Variants in ZNF705G observed in about 807,000 individuals in gnomAD.
ZNF705G encodes the protein zinc finger protein 705G.
In ZNF705G, 23 loss-of-function variants were observed where a neutral mutation model predicts 19.6. The ratio of observed to expected loss-of-function variants is 1.17; its 90% CI spans 0.84 to 1.66. The LOEUF is 1.66. Ranked by LOEUF, ZNF705G falls within the 40% of genes most tolerant of loss-of-function variation. ZNF705G has a pLI of 0.00. For missense variants in ZNF705G, 457 were observed against 354.4 expected (o/e 1.29, Z -2.32); for synonymous variants, 146 against 117.7 (o/e 1.24, Z -1.56).
At chr8:7,370,151 G>C (rs1257685312) in intron 2 of ZNF705G, among the ~76,000 whole-genome samples, 1 of 147,550 alleles carries the variant, frequency 6.8e-6, no homozygotes, top group African/African-American at 2.7e-5. Flanking sequence ...GGTGCCTGTA[G>C]TCCCAGCTAC....
At chr8:7,366,486 C>G (rs1806863100) in intron 2 of ZNF705G, among the ~76,000 whole-genome samples, 1 of 149,506 alleles carries the variant, frequency 6.7e-6, no homozygotes, top group South Asian at 2.1e-4. Flanking sequence ...AATTAAAATA[C>G]AGCAATAGAA....
intron 2 of ZNF705G, among the ~76,000 whole-genome samples, chr8:7,368,698 C>G (rs1806968242): frequency 6.7e-6 from 1 of 149,746 alleles, no homozygotes; most frequent in South Asian, 2.1e-4. Context: ...GGCAGCCCCT[C>G]TCCTCAAAGG....
intron 4 of ZNF705G, among the ~76,000 whole-genome samples, 167 bp from the exon 5 acceptor site, chr8:7,360,499 G>C (rs1429302191): frequency 6.7e-6 from 1 of 149,208 alleles, no homozygotes; most frequent in Admixed American, 6.6e-5. Flanking sequence ...CCCAATATGA[G>C]ACTACAAAAT....
At chr8:7,376,861 T>A (rs1365828227) in intron 2 of ZNF705G, among the ~76,000 whole-genome samples, 1 of 143,270 alleles carries the variant, frequency 7.0e-6, no homozygotes, top group African/African-American at 2.9e-5. Flanking sequence ...ACATCTATTA[T>A]AATCTATCAT....
At position 7,368,656 on chromosome 8, in the gene ZNF705G, G is replaced by A. The variant is rs920047039; in HGVS notation, c.-71-5639C>T. Among the ~76,000 whole-genome samples the A allele has an allele frequency of 7.3e-5, 11 of 149,814 alleles. 1 individual carries two copies. The highest frequency in any genetic ancestry group is 2.1e-4 in the South Asian group (1 of 4,780). On this transcript the variant is annotated intron_variant, in intron 2 of 6. Transcript: ENST00000400156. ...GCTAATAGAAGAAAATGAAGAAAGG[G>A]CCTCAAAGACATTTTAGAGACCTTG...
intron 6 of ZNF705G, among the ~76,000 whole-genome samples, chr8:7,358,941 C>G (rs1426010960): frequency 2.0e-5 from 3 of 149,562 alleles, no homozygotes; most frequent in African/African-American, 7.7e-5. Context: ...TCACCAGGCA[C>G]AAATGCATAT....
Position 7,357,628 on chromosome 8 carries a change from T to A in ZNF705G, c.*348A>T. 2 of 415,674 alleles carry A rather than the reference T, an allele frequency of 4.8e-6. No homozygotes were observed. The highest frequency in any genetic ancestry group is 3.1e-5 in the South Asian group (1 of 32,604). The allele number at this position is 415,674 out of a possible 1,614,324, so 25.7% of individuals were successfully genotyped here. ...CACTTATGCTCAGATCACTAACAAGTCTTTGGTACATACATGTCATACAAT... is the reference window on the plus strand; with the variant it reads ...CACTTATGCTCAGATCACTAACAAGACTTTGGTACATACATGTCATACAAT... On this transcript the variant is annotated 3_prime_UTR_variant, in exon 7 of 7. Transcript: ENST00000400156.
Position 7,360,306 on chromosome 8 carries a change from T to G in ZNF705G, c.166A>C (p.Ile56Leu). 9 of 1,590,260 alleles carry G rather than the reference T, an allele frequency of 5.7e-6. No individual in the cohort carries two copies. Among genetic ancestry groups the G allele is most frequent in the Non-Finnish European group, 7.6e-6 (9 of 1,178,794 alleles). The change falls in exon 5 of 7, where the codon ATT becomes CTT. Residue 56 changes from isoleucine (I) to leucine (L), a missense_variant. Transcript: ENST00000400156. The stretch of plus-strand genomic sequence containing the variant: ...TCTTTTCCTTGCTCCAGCTGCAAAA[T>G]TATATAGGATTTGCTTATCTGGTAC... ...LGYQISKSYI[I>L]LQLEQGKELW...
chr8:7,362,234 A>G (rs1348256453), intron 3 of ZNF705G, among the ~76,000 whole-genome samples: 25 of 149,774 alleles, frequency 1.7e-4, no homozygotes, highest in Non-Finnish European at 3.2e-4. Flanking sequence ...TTAAATAATT[A>G]TATTTCTTAT....
At chr8:7,370,044 AT>A (rs61572231) in intron 2 of ZNF705G, among the ~76,000 whole-genome samples, 1 of 146,510 alleles carries the variant, frequency 6.8e-6, no homozygotes, top group Non-Finnish European at 1.5e-5. Flanking sequence ...TAAAAGTTGA[AT>A]TTTTTTTTAA....
chr8:7,371,574 AT>A (rs1011000735), intron 2 of ZNF705G, among the ~76,000 whole-genome samples: 2 of 102,632 alleles, frequency 1.9e-5, no homozygotes, highest in African/African-American at 6.8e-5. Context: ...GTGTATACTT[AT>A]CCCCAAGCTC....
In ZNF705G at chr8:7,358,158, A is replaced by C. The variant is rs764448075; in HGVS notation, c.721T>G (p.Phe241Val). 6.2e-7 allele frequency: 1 copy of C among 1,607,554 alleles called. No homozygotes were observed. Among genetic ancestry groups the C allele is most frequent in the East Asian group, 2.2e-5 (1 of 44,860 alleles). The change falls in exon 7 of 7, where the codon TTT becomes GTT. Residue 241 changes from phenylalanine (F) to valine (V), a missense_variant. Transcript: ENST00000400156. ...GTTCTCTCATGTCTTTGAAGGTTAA[A>C]GGATTGAATAAAGACTTTCCCATAT... ...HQYGKVFIQS[F>V]NLQRHERTHL...
chr8:7,381,931 TC>T (rs1328806173), intron 1 of ZNF705G, among the ~76,000 whole-genome samples: 1 of 152,014 alleles, frequency 6.6e-6, no homozygotes, highest in Non-Finnish European at 1.5e-5. Flanking sequence ...AGTAAATGGA[TC>T]TTTTTTGAAA....
chr8:7,363,454 C>T lies in ZNF705G; in HGVS notation c.-71-437G>A, dbSNP rs1367166470. 4.7e-5 allele frequency among the ~76,000 whole-genome samples: 7 copies of T among 149,144 alleles called. 1 individual carries two copies. The highest frequency in any genetic ancestry group is 6.6e-5 in the Admixed American group (1 of 15,240). On this transcript the variant is annotated intron_variant, in intron 2 of 6. Coordinates refer to ENST00000400156, the MANE Select transcript of ZNF705G (RefSeq NM_001164457.3). ...AACACCCACCACAGCCTTCTGAAGC[C>T]TTACTCCACTTTTATTTTCACTCAA...
chr8:7,365,539 C>G (rs768172618), intron 2 of ZNF705G, among the ~76,000 whole-genome samples: 1 of 149,064 alleles, frequency 6.7e-6, no homozygotes, highest in Non-Finnish European at 1.5e-5. Flanking sequence ...CCATCGTGCT[C>G]GGCTAATTTT....
chr8:7,382,560 C>T (rs1443248948), intron 1 of ZNF705G, among the ~76,000 whole-genome samples: 4 of 146,178 alleles, frequency 2.7e-5, no homozygotes, highest in Non-Finnish European at 5.9e-5. Flanking sequence ...TTATTTCTTC[C>T]ATTCTATAAA....
chr8:7,382,572 A>G (rs1807544669), intron 1 of ZNF705G, among the ~76,000 whole-genome samples: 1 of 146,494 alleles, frequency 6.8e-6, no homozygotes, highest in South Asian at 2.1e-4. Flanking sequence ...TTCTATAAAA[A>G]AGTTTATTTT....
rs773504556 is a variant in ZNF705G at position 7,359,683 on chromosome 8, T to G, written c.254A>C (p.Lys85Thr). Residue 85 changes from lysine (K) to threonine (T), a missense_variant, in exon 6 of 7, where the codon AAG becomes ACG. Physicochemically the swap from Lys to Thr is moderately conservative, Grantham distance 78. Transcript: ENST00000400156. The stretch of plus-strand genomic sequence containing the variant: ...ATGCATGGATATCATGTGTGTTTTC[T>G]TAAGGGCACTTTCCCTGTCTGAAAT... ...DQNPNRESALKKTHMISMHPI... is the reference protein window; with the variant it reads ...DQNPNRESALTKTHMISMHPI... The G allele has an allele frequency of 2.5e-6, 4 of 1,606,902 alleles. No individual in the cohort carries two copies. Among genetic ancestry groups the G allele is most frequent in the Admixed American group, 1.7e-5 (1 of 59,928 alleles).
rs1250280226 is a variant in ZNF705G at position 7,356,187 on chromosome 8, A to G, written c.*1789T>C. 3 of 149,696 alleles carry G rather than the reference A, an allele frequency of 2.0e-5. 1 individual carries two copies. Among genetic ancestry groups the G allele is most frequent in the South Asian group, 2.1e-4 (1 of 4,746 alleles). 9.3% of individuals were successfully genotyped at this position (149,696 alleles called of 1,614,324 possible). On this transcript the variant is annotated 3_prime_UTR_variant, in exon 7 of 7. Coordinates refer to ENST00000400156, the MANE Select transcript of ZNF705G (RefSeq NM_001164457.3). ...ACTTTCATTTTGCTTCAGGAAAAGT[A>G]CATTGAATCAAATATAGGAAAGGCT...
Sources: gnomAD v4.1 joint callset for allele counts (sites outside exome capture counted in the v4.1 genomes callset) on GRCh38, gnomAD v4.1.1 for gene constraint, MANE v1.5 for transcripts, NCBI Gene and HGNC (gene_info 2026-07-23, HGNC 2026-07-21) for gene names.